The following XKR9 variants were observed in gnomAD, a reference collection of about 807,000 sequenced individuals.
XKR9 encodes XK-related protein 9.
A neutral mutation model predicts 32.0 loss-of-function variants in XKR9; 32 were observed. The ratio of observed to expected loss-of-function variants is 1.00; its 90% CI spans 0.76 to 1.34. The LOEUF is 1.34. XKR9 is among the 40% of genes most tolerant of loss of function. The pLI is 0.00. For missense variants in XKR9, 546 were observed against 429.7 expected, an observed-to-expected ratio of 1.27 and a Z score of -2.39; for synonymous variants, 168 against 143.4, an observed-to-expected ratio of 1.17 and a Z score of -1.22.
At chr8:70,802,367 G>A in the XKR9 span, among the ~76,000 whole-genome samples, 2 of 152,144 alleles carry the variant, frequency 1.3e-5, no homozygotes, top group Admixed American at 6.5e-5. Flanking sequence ...GAGCCTATAA[G>A]TGTCACTGCA....
At chr8:70,804,041 A>G in the XKR9 span, among the ~76,000 whole-genome samples, 2 of 152,334 alleles carry the variant, frequency 1.3e-5, no homozygotes, top group African/African-American at 4.8e-5. Flanking sequence ...GGTCTGCTCT[A>G]TGGGCTACAA....
chr8:70,733,533 G>A (rs1045274478), intron 4 of XKR9, among the ~76,000 whole-genome samples: 1 of 151,908 alleles, frequency 6.6e-6, no homozygotes, highest in Non-Finnish European at 1.5e-5. Context: ...CTAATATAGT[G>A]GATAAATCTA....
chr8:70,839,081 T>G, the XKR9 span, among the ~76,000 whole-genome samples: 1 of 152,096 alleles, frequency 6.6e-6, no homozygotes. Context: ...TTTCCTGATA[T>G]GGAAGTCTTG....
chr8:70,867,968 A>T, the XKR9 span, among the ~76,000 whole-genome samples: 1 of 152,200 alleles, frequency 6.6e-6, no homozygotes, highest in Non-Finnish European at 1.5e-5. Flanking sequence ...GCCCCATGCA[A>T]GTCCAAAATC....
intron 4 of XKR9, among the ~76,000 whole-genome samples, chr8:70,726,544 G>A (rs779331966): frequency 6.6e-6 from 1 of 152,114 alleles, no homozygotes; most frequent in South Asian, 2.1e-4. Context: ...TTAAACAAAT[G>A]GTATTAAGAT....
chr8:70,818,196 ATT>A, the XKR9 span, among the ~76,000 whole-genome samples: 8 of 147,618 alleles, frequency 5.4e-5, no homozygotes, highest in Non-Finnish European at 7.5e-5. Context: ...TTGTTTATTT[ATT>A]TTTTTTTTTG....
the XKR9 span, among the ~76,000 whole-genome samples, chr8:71,051,850 C>T: frequency 9.9e-5 from 15 of 152,122 alleles, no homozygotes; most frequent in Non-Finnish European, 1.6e-4. Flanking sequence ...GCATGCAATG[C>T]GTGAATAATT....
chr8:70,914,674 A>AT, the XKR9 span, among the ~76,000 whole-genome samples: 1 of 152,094 alleles, frequency 6.6e-6, no homozygotes, highest in Non-Finnish European at 1.5e-5. Flanking sequence ...ATTGGCTTCC[A>AT]TTTTTACTTC....
At chr8:70,846,003 A>C in the XKR9 span, among the ~76,000 whole-genome samples, 3 of 152,212 alleles carry the variant, frequency 2.0e-5, no homozygotes, top group Admixed American at 2.0e-4. Flanking sequence ...CATTATAGTC[A>C]AACTGTCAAA....
intron 2 of XKR9, among the ~76,000 whole-genome samples, chr8:70,786,548 C>T (rs1227549268): frequency 2.0e-5 from 3 of 152,002 alleles, no homozygotes; most frequent in African/African-American, 7.2e-5. Context: ...CTTCTTTTTA[C>T]AGTTTTTGAC....
chr8:70,845,604 C>A, the XKR9 span, among the ~76,000 whole-genome samples: 108 of 151,534 alleles, frequency 7.1e-4, no homozygotes, highest in Non-Finnish European at 8.0e-4. Flanking sequence ...AAAAAATAAC[C>A]AAAGAGAAAT....
chr8:71,033,090 A>G, the XKR9 span, among the ~76,000 whole-genome samples: 4 of 152,062 alleles, frequency 2.6e-5, no homozygotes, highest in South Asian at 8.3e-4. Context: ...CTCAAAAAAA[A>G]AAAAAAATCA....
At chr8:70,755,148 A>G (rs1807201522) in intron 2 of XKR9, among the ~76,000 whole-genome samples, 2 of 152,254 alleles carry the variant, frequency 1.3e-5, no homozygotes, top group South Asian at 2.1e-4. Context: ...ACCAAAAGAC[A>G]CATGAAAAAA....
the XKR9 span, among the ~76,000 whole-genome samples, chr8:70,882,787 A>T: frequency 6.6e-6 from 1 of 151,872 alleles, no homozygotes; most frequent in Non-Finnish European, 1.5e-5. Flanking sequence ...AAACATAGAC[A>T]GTTTACATTA....
the XKR9 span, among the ~76,000 whole-genome samples, chr8:70,813,689 A>G: frequency 6.6e-6 from 1 of 152,266 alleles, no homozygotes; most frequent in South Asian, 2.1e-4. Flanking sequence ...AACACATGAA[A>G]AAATTCTCTT....
At chr8:70,732,758 GGTCTT>G in intron 4 of XKR9, among the ~76,000 whole-genome samples, 1 of 152,142 alleles carries the variant, frequency 6.6e-6, no homozygotes, top group Non-Finnish European at 1.5e-5. Context: ...TATTTATAAA[GGTCTT>G]GTCCTCATTA....
chr8:70,980,663 A>T, the XKR9 span, among the ~76,000 whole-genome samples: 2 of 152,174 alleles, frequency 1.3e-5, no homozygotes, highest in Non-Finnish European at 2.9e-5. Context: ...TATTCTATTC[A>T]TCATGCTATT....
the XKR9 span, among the ~76,000 whole-genome samples, chr8:70,862,574 G>C: frequency 8.5e-6 from 1 of 117,374 alleles, no homozygotes; most frequent in Non-Finnish European, 1.8e-5. Flanking sequence ...ATTTTTCTTA[G>C]AGGCAGTATG....
chr8:70,811,241 A>G, the XKR9 span, among the ~76,000 whole-genome samples: 11 of 152,132 alleles, frequency 7.2e-5, no homozygotes, highest in Admixed American at 7.2e-4. Context: ...TTTGAAACCA[A>G]TGAGAACAAA....
Sources: allele counts gnomAD v4.1 joint callset (sites outside exome capture counted in the v4.1 genomes callset), GRCh38; gene constraint gnomAD v4.1.1; transcripts MANE v1.5; gene names NCBI Gene and HGNC (gene_info 2026-07-23, HGNC 2026-07-21).